CP: variants seen among roughly 807,000 people sequenced by gnomAD.
CP encodes ceruloplasmin.
In CP, 64 loss-of-function variants were observed where a neutral mutation model predicts 122.4. The ratio of observed to expected loss-of-function variants is 0.52; its 90% confidence interval spans 0.43 to 0.64. CP has a LOEUF of 0.64. Among genes scored for constraint, CP ranks in the 30% least tolerant of loss-of-function variants. CP has a pLI of 0.00. For synonymous variants in CP, 440 were observed against 436.4 expected, an observed-to-expected ratio of 1.01 and a Z score of -0.10; for missense variants, 1,167 against 1,284.4, an observed-to-expected ratio of 0.91 and a Z score of 1.40.
chr3:149,189,886 A>G (rs1009716058), intron 9 of CP, among the ~76,000 whole-genome samples: 1 of 152,212 alleles, frequency 6.6e-6, no homozygotes, highest in Admixed American at 6.5e-5. Context: ...TTTGATCCAA[A>G]TAACTTAGAT....
intron 9 of CP, among the ~76,000 whole-genome samples, chr3:149,194,936 A>C (rs1234376832): frequency 6.6e-6 from 1 of 152,220 alleles, no homozygotes; most frequent in Non-Finnish European, 1.5e-5. Flanking sequence ...CTCCTAATAA[A>C]GCAGTATGGT....
downstream of CP, among the ~76,000 whole-genome samples, chr3:149,169,937 T>A (rs114675469): frequency 5.3e-5 from 8 of 152,218 alleles, no homozygotes; most frequent in Non-Finnish European, 1.0e-4. Flanking sequence ...CATTTAGATA[T>A]ATCATTTATA....
At chr3:149,196,061 T>C (rs1474487580) in intron 9 of CP, among the ~76,000 whole-genome samples, 1 of 152,146 alleles carries the variant, frequency 6.6e-6, no homozygotes, top group African/African-American at 2.4e-5. Context: ...AGATATGTAA[T>C]TTGTCTAAAA....
At chr3:149,187,853 A>G (rs1006595158) in intron 10 of CP, 199 bp downstream of exon 10, 1 of 588,948 alleles carries the variant, frequency 1.7e-6, no homozygotes, top group Non-Finnish European at 3.0e-6. Flanking sequence ...CATGTAATTG[A>G]CATATCTTGA....
rs754375289 is a variant in CP, at chr3:149,206,297, G to T, written c.1079C>A (p.Ser360Tyr). 1.9e-6 allele frequency: 3 copies of T among 1,613,836 alleles called. No homozygotes were observed. The African/African-American group carries it at 4.0e-5, about 22-fold the overall frequency. ...CCCACGGATATTATCCTTTGATGAA[G>T]ACTTGTTACACTCCTGGACCTGGAA... ...AFFQVQECNK[S>Y]SSKDNIRGKH... Residue 360 changes from serine to tyrosine, a missense_variant, in exon 6 of 19, where the codon TCT becomes TAT. Ser to Tyr is a moderately radical substitution (Grantham distance 144). Around this residue, in one of 2 missense-constraint regions of CP, gnomAD observed 642 missense variants for 627.3 expected, o/e 1.02. Coordinates refer to ENST00000264613, the MANE Select transcript of CP (RefSeq NM_000096.4).
downstream of CP, among the ~76,000 whole-genome samples, chr3:149,169,353 G>T (rs947052061): frequency 3.3e-5 from 5 of 152,142 alleles, no homozygotes; most frequent in East Asian, 5.8e-4. Context: ...CTAAGTGTCC[G>T]AGAGCAACCC....
In CP at chr3:149,167,191, C is replaced by T. The variant is rs186659271; in HGVS notation, c.587-1141G>A. 19 of 1,613,608 alleles carry T rather than the reference C, an allele frequency of 1.2e-5. No homozygotes were observed. The highest frequency in any genetic ancestry group is 1.7e-4 in the Middle Eastern group (1 of 6,056). ...ATAGACATACTGTTAGAGAGATGCC[C>T]GGAGGCAGTCATTCCATATGCTAAT... On this transcript the variant is annotated intron_variant, in intron 4 of 5. Coordinates refer to the CP transcript ENST00000479771.
At chr3:149,163,962 AC>A in intron 5 of CP, 1 of 1,241,634 alleles carries the variant, frequency 8.1e-7, no homozygotes, top group Non-Finnish European at 1.2e-6. Context: ...AAGTAAAAAT[AC>A]CTCCTTTTCT....
At chr3:149,203,345 A>C (rs143543751) in intron 6 of CP, among the ~76,000 whole-genome samples, 2,175 of 151,708 alleles carry the variant, frequency 0.014, 53 homozygotes, top group African/African-American at 0.049. Flanking sequence ...CTCACTGCAA[A>C]CTCTGCCTCT....
intron 5 of CP, among the ~76,000 whole-genome samples, chr3:149,207,023 G>T (rs1402342168): frequency 1.3e-5 from 2 of 152,170 alleles, no homozygotes; most frequent in African/African-American, 4.8e-5. Flanking sequence ...ATACTTGACA[G>T]AAATAAGTCG....
chr3:149,219,505 T>A (rs1728676112), intron 1 of CP, among the ~76,000 whole-genome samples: 1 of 152,062 alleles, frequency 6.6e-6, no homozygotes, highest in African/African-American at 2.4e-5. Context: ...TAAATGAGAG[T>A]TCCCCTGCAC....
intron 18 of CP, among the ~76,000 whole-genome samples, chr3:149,175,719 G>A (rs1468753341): frequency 1.4e-5 from 2 of 146,378 alleles, no homozygotes; most frequent in African/African-American, 5.2e-5. Context: ...TTATTGCAGG[G>A]GTTGGGGAGC....
rs995464515 is a variant in CP, at chr3:149,174,337, G to A, written c.3182-607C>T. Among the ~76,000 whole-genome samples, 6 of 152,164 alleles carry A rather than the reference G, an allele frequency of 3.9e-5. No individual in the cohort carries two copies. In the East Asian group the frequency reaches 7.7e-4, roughly 20 times the overall value. The stretch of plus-strand genomic sequence containing the variant: ...AAATCATTGTTGCTTTTCTAATTTC[G>A]ATCATTGTATTGTGGTCATGTACAA... On this transcript the variant is annotated intron_variant, in intron 18 of 18. Coordinates refer to ENST00000264613, the MANE Select transcript of CP (RefSeq NM_000096.4).
chr3:149,206,068 C>A, intron 6 of CP, 100 bp downstream of exon 6: 1 of 1,092,732 alleles, frequency 9.2e-7, no homozygotes, highest in South Asian at 1.4e-5. Flanking sequence ...TACTCAATTT[C>A]AGATACCAAT....
chr3:149,181,939 G>C, intron 14 of CP, 66 bp downstream of exon 14: 3 of 1,550,850 alleles, frequency 1.9e-6, no homozygotes, highest in Non-Finnish European at 2.7e-6. Flanking sequence ...TATGATGAGA[G>C]TAATCTGTGG....
chr3:149,167,182 A>T, intron 4 of CP: 1 of 1,613,954 alleles, frequency 6.2e-7, no homozygotes, highest in Non-Finnish European at 8.5e-7. Context: ...ATACTGTTAG[A>T]GAGATGCCCG....
chr3:149,190,294 T>C (rs941444608), intron 9 of CP, among the ~76,000 whole-genome samples: 5 of 152,174 alleles, frequency 3.3e-5, no homozygotes, highest in African/African-American at 1.2e-4. Flanking sequence ...ATGCAATTAA[T>C]GTGATCTACT....
At chr3:149,194,945 G>A (rs1255808312) in intron 9 of CP, among the ~76,000 whole-genome samples, 1 of 152,140 alleles carries the variant, frequency 6.6e-6, no homozygotes, top group Non-Finnish European at 1.5e-5. Flanking sequence ...AAGCAGTATG[G>A]TATTGGTGCA....
intron 14 of CP, chr3:149,180,072 G>A (rs552433599): frequency 3.9e-5 from 10 of 254,192 alleles, no homozygotes; most frequent in Non-Finnish European, 7.7e-5. Flanking sequence ...CGTAATCTCT[G>A]CATGTGTGTA....
Sources: allele counts gnomAD v4.1 joint callset (sites outside exome capture counted in the v4.1 genomes callset), GRCh38; gene constraint gnomAD v4.1.1; regional missense constraint gnomAD v4.1.1; transcripts MANE v1.5; gene names NCBI Gene and HGNC (gene_info 2026-07-23, HGNC 2026-07-21).